The following AK8 variants were observed in gnomAD, a reference collection of about 807,000 sequenced individuals.
AK8 encodes the protein ATP-AMP transphosphorylase 8.
A neutral mutation model predicts 54.6 loss-of-function variants in AK8; 44 were observed. That is an observed-to-expected ratio of 0.81 (90% CI 0.63 to 1.04). The LOEUF is 1.04. Among genes scored for constraint, AK8 ranks in the 50% least tolerant of loss-of-function variants. AK8 has a pLI of 0.00. For missense variants in AK8, 555 were observed against 613.6 expected, an observed-to-expected ratio of 0.90 and a Z score of 1.01; for synonymous variants, 239 against 245.6, an observed-to-expected ratio of 0.97 and a Z score of 0.25.
rs143692527 is a variant in AK8 at position 132,792,686 on chromosome 9, G to A, written c.1069C>T (p.Arg357Trp). The stretch of plus-strand genomic sequence containing the variant: ...AGCAGGTGTGCCTGGTCGAGGTCCC[G>A]CGGGACGCCGTGTAGCACCCAGCCT... The part of the protein sequence containing the change: ...QKGWVLHGVP[R>W]DLDQAHLLNR... Residue 357 changes from arginine (R) to tryptophan (W), a missense_variant, in exon 11 of 13, where the codon CGG becomes TGG. By Grantham distance (101) the Arg-to-Trp change is moderately radical. Coordinates refer to ENST00000298545, the MANE Select transcript of AK8 (RefSeq NM_152572.3). 2.4e-5 allele frequency: 37 copies of A among 1,555,950 alleles called. No individual in the cohort carries two copies. The highest frequency in any genetic ancestry group is 5.9e-5 in the South Asian group (5 of 84,270).
chr9:132,853,783 C>CA (rs71376669), intron 5 of AK8, among the ~76,000 whole-genome samples: 2,191 of 42,234 alleles, frequency 0.052, 187 homozygotes, highest in African/African-American at 0.11. Context: ...GACTCTGCCT[C>CA]AAAAAAAAAA....
chr9:132,853,117 G>A (rs529141034), intron 5 of AK8, among the ~76,000 whole-genome samples: 2 of 152,018 alleles, frequency 1.3e-5, no homozygotes, highest in Non-Finnish European at 2.9e-5. Context: ...AGCACTTTGG[G>A]AGGCCAAGGC....
intron 11 of AK8, among the ~76,000 whole-genome samples, chr9:132,729,625 C>T (rs1836739851): frequency 6.6e-6 from 1 of 152,178 alleles, no homozygotes; most frequent in Non-Finnish European, 1.5e-5. Context: ...GGCTGTGTCT[C>T]GGACACAGCA....
chr9:132,855,819 C>A (rs544680152), intron 4 of AK8, among the ~76,000 whole-genome samples: 2 of 152,250 alleles, frequency 1.3e-5, no homozygotes, highest in East Asian at 1.9e-4. Context: ...TAACACGGGC[C>A]CCCAAAGAGG....
chr9:132,739,298 C>A (rs1179844979), intron 11 of AK8, among the ~76,000 whole-genome samples: 1 of 151,228 alleles, frequency 6.6e-6, no homozygotes, highest in Admixed American at 6.6e-5. Flanking sequence ...AAAGATAAGC[C>A]AGGTGTGATG....
intron 11 of AK8, among the ~76,000 whole-genome samples, chr9:132,766,326 C>T (rs927275443): frequency 6.6e-5 from 10 of 152,132 alleles, no homozygotes. Flanking sequence ...GTTGCCCAGA[C>T]TGGTCTCAAA....
chr9:132,836,649 C>T (rs938977605), intron 5 of AK8, among the ~76,000 whole-genome samples: 3 of 152,136 alleles, frequency 2.0e-5, no homozygotes, highest in Non-Finnish European at 4.4e-5. Flanking sequence ...TCCCAAAGTG[C>T]TGGGATTACA....
In AK8 at chr9:132,756,870, T is replaced by C. The variant is rs955956525; in HGVS notation, c.1122-29336A>G. The stretch of plus-strand genomic sequence containing the variant: ...CCTACATCTATAACTCACGGACTCG[T>C]GTCTAGAGAGTTCTGCCTGGCTGAT... On this transcript the variant is annotated intron_variant, in intron 11 of 12. Transcript: ENST00000298545. 4.6e-5 allele frequency among the ~76,000 whole-genome samples: 7 copies of C among 152,118 alleles called. 1 individual carries two copies. Among genetic ancestry groups the C allele is most frequent in the Admixed American group, 4.6e-4 (7 of 15,278 alleles).
rs1226745527 is a variant in AK8 at position 132,791,360 on chromosome 9, C to T, written c.1121+1274G>A. On this transcript the variant is annotated intron_variant, in intron 11 of 12. Coordinates refer to ENST00000298545, the MANE Select transcript of AK8 (RefSeq NM_152572.3). The surrounding 1 kb of genome is among the most constrained non-coding windows in gnomAD (Gnocchi z 4.0). ...CGATCACCTCTCACCAGGTCCCTCC[C>T]TAACATGTGGGGATTATAGTTCAAG... Among the ~76,000 whole-genome samples, 4 of 152,270 alleles carry T rather than the reference C, an allele frequency of 2.6e-5. No individual in the cohort carries two copies. Among genetic ancestry groups the T allele is most frequent in the East Asian group, 3.9e-4 (2 of 5,186 alleles).
At chr9:132,801,399 A>G (rs1840452212) in intron 10 of AK8, among the ~76,000 whole-genome samples, 1 of 152,224 alleles carries the variant, frequency 6.6e-6, no homozygotes. Flanking sequence ...TTTAAAGTAC[A>G]TTTTTACATC....
chr9:132,863,738 G>T lies in AK8; in HGVS notation c.260C>A (p.Thr87Asn). The part of the protein sequence containing the change: ...LCKHLNSSLL[T>N]LENLILNEFS... ...CTCATTTAAGATCAGGTTCTCCAGG[G>T]TGAGGAGACTGCTGTTCAGATGTTT... The change falls in exon 4 of 13, where the codon ACC (threonine) becomes AAC (asparagine). Residue 87 changes from threonine (T) to asparagine (N), a missense_variant. Thr to Asn is a moderately conservative substitution (Grantham distance 65, BLOSUM62 0). Transcript: ENST00000298545. The T allele has an allele frequency of 6.2e-7, 1 of 1,614,154 alleles. No individual in the cohort carries two copies. Among genetic ancestry groups the T allele is most frequent in the South Asian group, 1.1e-5 (1 of 91,072 alleles).
chr9:132,726,665 T>G (rs1836590540), intron 12 of AK8, among the ~76,000 whole-genome samples: 1 of 152,198 alleles, frequency 6.6e-6, no homozygotes, highest in Non-Finnish European at 1.5e-5. Flanking sequence ...GGACAGGCGC[T>G]GGCTCTGTGC....
intron 10 of AK8, among the ~76,000 whole-genome samples, chr9:132,794,135 T>C (rs1840055536): frequency 1.3e-5 from 2 of 152,210 alleles, no homozygotes; most frequent in African/African-American, 4.8e-5. Context: ...ATGTGTTCTC[T>C]CTCATGCCCT....
At chr9:132,800,538 C>T (rs550038414) in intron 10 of AK8, among the ~76,000 whole-genome samples, 35 of 152,240 alleles carry the variant, frequency 2.3e-4, no homozygotes, top group Admixed American at 1.2e-3. Context: ...CCCATCTGGC[C>T]GGGCCTTGGT....
chr9:132,848,221 G>C (rs927916191), intron 5 of AK8, among the ~76,000 whole-genome samples: 4 of 151,180 alleles, frequency 2.6e-5, no homozygotes, highest in African/African-American at 9.7e-5. Context: ...AATCCAACTT[G>C]GCAAATGCAT....
At chr9:132,758,274 C>T (rs1036269729) in intron 11 of AK8, among the ~76,000 whole-genome samples, 8 of 152,168 alleles carry the variant, frequency 5.3e-5, no homozygotes, top group Middle Eastern at 3.2e-3. Context: ...ATTACAGAAC[C>T]ATTTGCAAAG....
At chr9:132,825,068 T>G (rs766334134) in intron 8 of AK8, among the ~76,000 whole-genome samples, 52 of 152,310 alleles carry the variant, frequency 3.4e-4, no homozygotes, top group Middle Eastern at 3.4e-3. Context: ...CTCTCTTTAT[T>G]CTCAGACCTT....
At chr9:132,754,219 T>A (rs1838082505) in intron 11 of AK8, among the ~76,000 whole-genome samples, 1 of 152,184 alleles carries the variant, frequency 6.6e-6, no homozygotes, top group South Asian at 2.1e-4. Context: ...TACTCTTTGA[T>A]GTTTCTGAAG....
rs750347039 is a variant in AK8 at position 132,875,122 on chromosome 9, G to T, written c.162C>A (p.Asn54Lys). ...GCCCCAGCCAGTGCTCACCATTGTC[G>T]TTGTCTCTATGCAAGTGCTGGATCA... is the stretch of plus-strand genomic sequence containing the variant. ...PFMIQHLHRDNDNVPRIVILG... is the reference protein window; with the variant it reads ...PFMIQHLHRDKDNVPRIVILG... The change falls in exon 2 of 13, where the codon AAC becomes AAA. Residue 54 changes from asparagine (N) to lysine (K), a missense_variant. By Grantham distance (94) the Asn-to-Lys change is moderately conservative. Coordinates refer to ENST00000298545, the MANE Select transcript of AK8 (RefSeq NM_152572.3). 6.2e-7 allele frequency: 1 copy of T among 1,614,110 alleles called. No homozygotes were observed. Among genetic ancestry groups the T allele is most frequent in the South Asian group, 1.1e-5 (1 of 91,056 alleles).
Sources: allele counts gnomAD v4.1 joint callset (sites outside exome capture counted in the v4.1 genomes callset), GRCh38; gene constraint gnomAD v4.1.1; non-coding constraint Gnocchi (gnomAD v3.1); transcripts MANE v1.5; gene names NCBI Gene and HGNC (gene_info 2026-07-23, HGNC 2026-07-21).